MARCHF6: variants seen among roughly 807,000 people sequenced by gnomAD.
MARCHF6 encodes E3 ubiquitin-protein ligase MARCHF6.
A neutral mutation model predicts 133.7 loss-of-function variants in MARCHF6; 31 were observed. That is an observed-to-expected ratio of 0.23 (90% CI 0.17 to 0.31). The LOEUF is 0.31. Among genes scored for constraint, MARCHF6 ranks in the 10% least tolerant of loss-of-function variants. The probability of loss-of-function intolerance (pLI) is 1.00; values close to 1 mark genes in which losing one functional copy is unlikely to be tolerated. For missense variants in MARCHF6, 723 were observed against 1,121.6 expected (o/e 0.64, Z 5.08); for synonymous variants, 395 against 402.5 (o/e 0.98, Z 0.22).
intron 1 of MARCHF6, among the ~76,000 whole-genome samples, chr5:10,364,663 T>C (rs1736024197): frequency 6.6e-6 from 1 of 152,224 alleles, no homozygotes; most frequent in Non-Finnish European, 1.5e-5. Flanking sequence ...CTGCTGAAGC[T>C]TGATGTTGCC....
At chr5:10,426,312 G>A in intron 23 of MARCHF6, 78 bp from the exon 24 acceptor site, 1 of 1,518,554 alleles carries the variant, frequency 6.6e-7, no homozygotes, top group South Asian at 1.2e-5. Context: ...GGCAGATTCA[G>A]TTGTGTGGAG....
chr5:10,423,956 C>CTTTT (rs79459465), intron 23 of MARCHF6, 132 bp downstream of exon 23: 2 of 403,262 alleles, frequency 5.0e-6, no homozygotes, highest in Non-Finnish European at 4.3e-6. Context: ...CATATATAAC[C>CTTTT]TTTTTTTTTT....
intron 2 of MARCHF6, among the ~76,000 whole-genome samples, chr5:10,378,337 T>A (rs1213231078): frequency 6.6e-6 from 1 of 152,230 alleles, no homozygotes; most frequent in African/African-American, 2.4e-5. Context: ...ATTATTATTA[T>A]GCAGATGAGG....
intron 17 of MARCHF6, among the ~76,000 whole-genome samples, chr5:10,408,728 C>G (rs549869665): frequency 2.0e-4 from 30 of 151,980 alleles, no homozygotes; most frequent in Admixed American, 1.1e-3. Context: ...TTGGGGAGAC[C>G]GGGTTTTACC....
At chr5:10,367,436 A>G (rs181734173) in intron 1 of MARCHF6, among the ~76,000 whole-genome samples, 1 of 152,328 alleles carries the variant, frequency 6.6e-6, no homozygotes, top group Admixed American at 6.5e-5. Context: ...TAAAATCTAA[A>G]GTCTGTTAGT....
chr5:10,361,827 G>A (rs977094366), intron 1 of MARCHF6, among the ~76,000 whole-genome samples: 1 of 151,902 alleles, frequency 6.6e-6, no homozygotes, highest in East Asian at 1.9e-4. Context: ...GCAATGGCGC[G>A]ATCTCGGCTC....
intron 1 of MARCHF6, among the ~76,000 whole-genome samples, chr5:10,370,675 G>A (rs1357551473): frequency 6.6e-6 from 1 of 151,114 alleles, no homozygotes; most frequent in Non-Finnish European, 1.5e-5. Context: ...GCACAAAGCT[G>A]ATTTTTTTTT....
chr5:10,365,530 C>T (rs1736092439), intron 1 of MARCHF6, among the ~76,000 whole-genome samples: 1 of 152,070 alleles, frequency 6.6e-6, no homozygotes, highest in Admixed American at 6.5e-5. Flanking sequence ...GAACTGCCGA[C>T]CTCAGGTGAT....
chr5:10,438,029 C>T lies in MARCHF6; in HGVS notation c.*4345C>T, dbSNP rs551445183. The T allele has an allele frequency of 3.3e-5, 5 of 152,690 alleles. No homozygotes were observed. In the South Asian group the frequency reaches 1.0e-3, roughly 32 times the overall value. 9.5% of individuals were successfully genotyped at this position (152,690 alleles called of 1,614,324 possible). Reference sequence around the variant, plus strand: ...CATTTAAATGCATAGTTGCAGAGGACACATCCCTCCCCTTCTGTCTCCCTA... The same window carrying T: ...CATTTAAATGCATAGTTGCAGAGGATACATCCCTCCCCTTCTGTCTCCCTA... On this transcript the variant is annotated 3_prime_UTR_variant, in exon 26 of 26. Coordinates refer to ENST00000274140, the MANE Select transcript of MARCHF6 (RefSeq NM_005885.4).
Position 10,429,958 on chromosome 5 carries a change from G to T in MARCHF6, c.2572G>T (p.Val858Leu). The T allele has an allele frequency of 1.2e-6, 2 of 1,613,762 alleles. No individual in the cohort carries two copies. Among genetic ancestry groups the T allele is most frequent in the South Asian group, 2.2e-5 (2 of 91,070 alleles). Residue 858 changes from valine to leucine, a missense_variant, in exon 25 of 26, where the codon GTA (valine) becomes TTA (leucine). Val to Leu is a conservative substitution (Grantham distance 32). Transcript: ENST00000274140. ...RIYPFLLMVV[V>L]LMAILSFQVR... ...TTATCCATTTTTACTGATGGTCGTG[G>T]TATTGATGGCAATTTTGTCCTTCCA...
chr5:10,400,811 T>A lies in MARCHF6; in HGVS notation c.941T>A (p.Phe314Tyr). The change falls in exon 11 of 26, where the codon TTC becomes TAC. Residue 314 changes from phenylalanine to tyrosine, a missense_variant. By Grantham distance (22) the Phe-to-Tyr change is conservative (BLOSUM62 3). Around this residue, in one of 4 missense-constraint regions of MARCHF6, gnomAD observed 43 missense variants for 97.9 expected, o/e 0.44. Transcript: ENST00000274140. ...FAFCPYHIGHFSLVGLGFEEH... is the reference protein window; with the variant it reads ...FAFCPYHIGHYSLVGLGFEEH... ...TTTTGCCCTTACCATATTGGTCATT[T>A]CTCCCTTGTTGGTTTGGGATTTGAA... 6.2e-7 allele frequency: 1 copy of A among 1,613,098 alleles called. No homozygotes were observed. The highest frequency in any genetic ancestry group is 8.5e-7 in the Non-Finnish European group (1 of 1,179,206).
chr5:10,396,721 A>G (rs1388374485), intron 9 of MARCHF6, among the ~76,000 whole-genome samples: 3 of 152,190 alleles, frequency 2.0e-5, no homozygotes, highest in African/African-American at 7.2e-5. Context: ...TAGAGGTGAC[A>G]GTATGTAACT....
intron 1 of MARCHF6, among the ~76,000 whole-genome samples, chr5:10,372,361 G>A (rs969661648): frequency 4.6e-5 from 7 of 152,054 alleles, no homozygotes; most frequent in Admixed American, 4.6e-4. Context: ...TATAAAATAT[G>A]TTTTGATTTA....
At chr5:10,361,439 A>G (rs1363044717) in intron 1 of MARCHF6, among the ~76,000 whole-genome samples, 5 of 151,932 alleles carry the variant, frequency 3.3e-5, no homozygotes, top group Admixed American at 1.3e-4. Flanking sequence ...CTTGTAGATG[A>G]TTGTCTTCTG....
intron 23 of MARCHF6, 95 bp downstream of exon 23, chr5:10,423,919 T>A: frequency 1.2e-6 from 1 of 844,926 alleles, no homozygotes; most frequent in Non-Finnish European, 1.8e-6. Context: ...CCTACCTTGC[T>A]GAGTTTTCTA....
At chr5:10,420,505 A>G (rs1739770360) in intron 22 of MARCHF6, among the ~76,000 whole-genome samples, 1 of 152,232 alleles carries the variant, frequency 6.6e-6, no homozygotes, top group South Asian at 2.1e-4. Context: ...CAAATGGGAC[A>G]AACAGATACT....
chr5:10,409,581 T>C (rs1382251497), intron 17 of MARCHF6, among the ~76,000 whole-genome samples: 1 of 152,208 alleles, frequency 6.6e-6, no homozygotes, highest in African/African-American at 2.4e-5. Flanking sequence ...TGGCTTTTGC[T>C]TGAGTGAATT....
Position 10,415,668 on chromosome 5 carries a change from T to C in MARCHF6, c.2147T>C (p.Met716Thr). 1 of 1,613,526 alleles carries C rather than the reference T, an allele frequency of 6.2e-7. No individual in the cohort carries two copies. Among genetic ancestry groups the C allele is most frequent in the Non-Finnish European group, 8.5e-7 (1 of 1,179,588 alleles). ...CAGAAGGTTAAAGAGTGGTCTCTCA[T>C]GGTATGTGTGTGTAATACAAGACTG... ...IFQKVKEWSLMIMKTLIVAVL... is the reference protein window; with the variant it reads ...IFQKVKEWSLTIMKTLIVAVL... The change falls in exon 21 of 26, where the codon ATG becomes ACG. Residue 716 changes from methionine to threonine, a missense_variant and splice_region_variant. Met to Thr is a moderately conservative substitution (Grantham distance 81). This residue lies in a region of MARCHF6 where 492 missense variants were observed against 699.5 expected (regional missense o/e 0.70). Coordinates refer to ENST00000274140, the MANE Select transcript of MARCHF6 (RefSeq NM_005885.4).
intron 3 of MARCHF6, among the ~76,000 whole-genome samples, chr5:10,379,665 G>A (rs891323762): frequency 6.6e-6 from 1 of 152,094 alleles, no homozygotes; most frequent in African/African-American, 2.4e-5. Context: ...GTTTCACCAT[G>A]TTAGCCAGGA....
Sources: allele counts gnomAD v4.1 joint callset (sites outside exome capture counted in the v4.1 genomes callset), GRCh38; gene constraint gnomAD v4.1.1; regional missense constraint gnomAD v4.1.1; transcripts MANE v1.5; gene names NCBI Gene and HGNC (gene_info 2026-07-23, HGNC 2026-07-21).